GNAZ: variants seen among roughly 807,000 people sequenced by gnomAD.
GNAZ encodes the protein G protein subunit alpha z.
GNAZ carries 3 observed loss-of-function variants against 25.4 expected under a neutral mutation model. The observed-to-expected ratio is 0.12, with a 90% CI of 0.05 to 0.30. The LOEUF is 0.30. Ranked by LOEUF, GNAZ falls within the 10% of genes least tolerant of loss-of-function variation. GNAZ has a pLI of 1.00. For synonymous variants in GNAZ, 211 were observed against 205.7 expected (o/e 1.03, Z -0.22); for missense variants, 241 against 501.8 (o/e 0.48, Z 4.97).
At position 23,087,343 on chromosome 22, in the gene GNAZ, G is replaced by A. The variant is rs143117153; in HGVS notation, c.-449-7904G>A. Among the ~76,000 whole-genome samples, 294 of 152,308 alleles carry A rather than the reference G, an allele frequency of 1.9e-3. 1 individual carries two copies. Among genetic ancestry groups the A allele is most frequent in the Middle Eastern group, 0.01 (3 of 294 alleles). On this transcript the variant is annotated intron_variant, in intron 1 of 2. Transcript: ENST00000615612. Reference sequence around the variant, plus strand: ...TAGCTGGGCGTGGTGGCGCGTGCCTGCAGTCCCAGCTACTCGAGGCTCAGG... The same window carrying A: ...TAGCTGGGCGTGGTGGCGCGTGCCTACAGTCCCAGCTACTCGAGGCTCAGG...
rs111368874 is a variant in GNAZ at position 23,095,830 on chromosome 22, C to G, written c.135C>G (p.Gly45=). ...KLLLLGTSNS[G]KSTIVKQMKI... ...TCCTGCTGGGCACCAGCAACTCAGG[C>G]AAGAGCACCATCGTCAAACAGATGA... Residue 45 remains glycine, a synonymous_variant, in exon 2 of 3, where the codon GGC becomes GGG. Transcript: ENST00000615612. 1.2e-6 allele frequency: 2 copies of G among 1,613,714 alleles called. No homozygotes were observed. Among genetic ancestry groups the G allele is most frequent in the South Asian group, 2.2e-5 (2 of 91,090 alleles).
chr22:23,124,371 G>C lies in GNAZ; in HGVS notation c.*940G>C, dbSNP rs1372533088. 4.3e-6 allele frequency: 2 copies of C among 464,658 alleles called. No individual in the cohort carries two copies. Among genetic ancestry groups the C allele is most frequent in the Non-Finnish European group, 8.9e-6 (2 of 223,492 alleles). The allele number at this position is 464,658 out of a possible 1,614,324, so 28.8% of individuals were successfully genotyped here. ...GTCTGGCTTGCTGAGTGTAAAAGTT[G>C]TTATCTGGACGATCTGTCTCTCTGC... is the stretch of plus-strand genomic sequence containing the variant. On this transcript the variant is annotated 3_prime_UTR_variant, in exon 3 of 3. Coordinates refer to ENST00000615612, the MANE Select transcript of GNAZ (RefSeq NM_002073.4).
intron 1 of GNAZ, among the ~76,000 whole-genome samples, chr22:23,085,018 C>G (rs2068780592): frequency 6.6e-6 from 1 of 152,194 alleles, no homozygotes; most frequent in South Asian, 2.1e-4. Flanking sequence ...TTGGGGCCAC[C>G]TGCCACTAGG....
At chr22:23,082,307 C>A (rs1486223036) in intron 1 of GNAZ, among the ~76,000 whole-genome samples, 1 of 151,380 alleles carries the variant, frequency 6.6e-6, no homozygotes, top group Non-Finnish European at 1.5e-5. Context: ...ACCTCCGCCT[C>A]CCAGGTTCAA....
intron 2 of GNAZ, among the ~76,000 whole-genome samples, chr22:23,116,219 T>C (rs2069831828): frequency 6.6e-6 from 1 of 152,224 alleles, no homozygotes; most frequent in Non-Finnish European, 1.5e-5. Context: ...CTGAGGGGCC[T>C]TCTGGGGGCC....
rs117823991 is a variant in GNAZ at position 23,120,556 on chromosome 22, G to A, written c.724-2531G>A. Among the ~76,000 whole-genome samples the A allele has an allele frequency of 7.6e-3, 1,153 of 152,276 alleles. 9 individuals carry two copies. The highest frequency in any genetic ancestry group is 0.011 in the Admixed American group (168 of 15,300). The stretch of plus-strand genomic sequence containing the variant: ...CTAAATTCCACTGCCTGCCCAGGAG[G>A]TGATGGGCTAAGCTGGGTATTAAAA... On this transcript the variant is annotated intron_variant, in intron 2 of 2. Coordinates refer to ENST00000615612, the MANE Select transcript of GNAZ (RefSeq NM_002073.4).
intron 2 of GNAZ, among the ~76,000 whole-genome samples, chr22:23,118,319 T>G (rs1209384861): frequency 6.6e-6 from 1 of 152,258 alleles, no homozygotes; most frequent in Non-Finnish European, 1.5e-5. Context: ...TGCTCCGTGT[T>G]ATTTATATAA....
intron 2 of GNAZ, among the ~76,000 whole-genome samples, chr22:23,112,703 G>A (rs1569182629): frequency 6.6e-6 from 1 of 152,226 alleles, no homozygotes; most frequent in African/African-American, 2.4e-5. Context: ...TAAGCACGAT[G>A]CAGCTGCGAC....
chr22:23,089,269 C>T (rs1172392201), intron 1 of GNAZ, among the ~76,000 whole-genome samples: 1 of 152,208 alleles, frequency 6.6e-6, no homozygotes, highest in Middle Eastern at 3.2e-3. Flanking sequence ...CTGTCTTCTT[C>T]TGCCTCAGCC....
At chr22:23,090,286 G>A (rs555219565) in intron 1 of GNAZ, among the ~76,000 whole-genome samples, 24 of 152,048 alleles carry the variant, frequency 1.6e-4, no homozygotes, top group Admixed American at 4.6e-4. Context: ...TTCCCTGATC[G>A]TCTCCCTGTT....
intron 2 of GNAZ, among the ~76,000 whole-genome samples, chr22:23,117,293 C>T (rs565928234): frequency 1.6e-4 from 25 of 152,190 alleles, no homozygotes; most frequent in Non-Finnish European, 3.2e-4. Context: ...AAGTAAGGTC[C>T]AGGTGGCTGC....
chr22:23,103,846 T>A, intron 2 of GNAZ, among the ~76,000 whole-genome samples: 1 of 152,200 alleles, frequency 6.6e-6, no homozygotes, highest in Non-Finnish European at 1.5e-5. Flanking sequence ...CTGGAGGACC[T>A]GTGTAGCCAG....
chr22:23,112,339 T>G, intron 2 of GNAZ, among the ~76,000 whole-genome samples: 1 of 152,188 alleles, frequency 6.6e-6, no homozygotes, highest in African/African-American at 2.4e-5. Flanking sequence ...TAGGGCCCAG[T>G]GCTCACCAGG....
At chr22:23,103,267 C>T (rs958630943) in intron 2 of GNAZ, among the ~76,000 whole-genome samples, 1 of 152,194 alleles carries the variant, frequency 6.6e-6, no homozygotes, top group African/African-American at 2.4e-5. Flanking sequence ...GCAAATACTA[C>T]AAAACAGTTC....
chr22:23,084,158 G>A (rs1017529390), intron 1 of GNAZ, among the ~76,000 whole-genome samples: 4 of 152,168 alleles, frequency 2.6e-5, no homozygotes, highest in African/African-American at 7.2e-5. Context: ...TATCTTCCCC[G>A]GAAGATGTGG....
chr22:23,091,026 C>A (rs936883822), intron 1 of GNAZ, among the ~76,000 whole-genome samples: 1 of 152,200 alleles, frequency 6.6e-6, no homozygotes, highest in African/African-American at 2.4e-5. Flanking sequence ...GCTGGTTCCT[C>A]CTCTCCAGGG....
rs545121059 is a variant in GNAZ at position 23,075,722 on chromosome 22, G to A, written c.-450+5152G>A. On this transcript the variant is annotated intron_variant, in intron 1 of 2. Coordinates refer to ENST00000615612, the MANE Select transcript of GNAZ (RefSeq NM_002073.4). ...CAGCCTCCAACCAGAAACACACCCC[G>A]TCCCCGAGGGCTCAGCCAGGCCTCT... is the stretch of plus-strand genomic sequence containing the variant. 1.6e-4 allele frequency among the ~76,000 whole-genome samples: 24 copies of A among 152,292 alleles called. No individual in the cohort carries two copies. The East Asian group carries it at 2.5e-3, about 16-fold the overall frequency.
chr22:23,083,110 AG>A (rs899406056), intron 1 of GNAZ, among the ~76,000 whole-genome samples: 1 of 152,144 alleles, frequency 6.6e-6, no homozygotes, highest in Non-Finnish European at 1.5e-5. Flanking sequence ...CACAGACAGA[AG>A]GAACTGGAAA....
In GNAZ at chr22:23,106,272, G is replaced by C. The variant is rs931954521; in HGVS notation, c.723+9854G>C. On this transcript the variant is annotated intron_variant, in intron 2 of 2. Coordinates refer to ENST00000615612, the MANE Select transcript of GNAZ (RefSeq NM_002073.4). The stretch of plus-strand genomic sequence containing the variant: ...CAAAACAGAGTGACATGAGGGTAAG[G>C]GGGGTGGCGCCTTGGGCCTGTGCTG... Among the ~76,000 whole-genome samples the C allele has an allele frequency of 3.9e-5, 6 of 152,358 alleles. No homozygotes were observed. The East Asian group carries it at 1.2e-3, about 29-fold the overall frequency.
Sources: gnomAD v4.1 joint callset for allele counts (sites outside exome capture counted in the v4.1 genomes callset) on GRCh38, gnomAD v4.1.1 for gene constraint, MANE v1.5 for transcripts, NCBI Gene and HGNC (gene_info 2026-07-23, HGNC 2026-07-21) for gene names.